The following TP53BP1 variants were observed in gnomAD, a reference collection of about 807,000 sequenced individuals.
The protein encoded by TP53BP1 is tumor protein p53 binding protein 1.
A neutral mutation model predicts 200.8 loss-of-function variants in TP53BP1; 61 were observed. The ratio of observed to expected loss-of-function variants is 0.30; its 90% CI spans 0.25 to 0.38. The LOEUF is 0.38. Ranked by LOEUF, TP53BP1 falls within the 10% of genes least tolerant of loss-of-function variation. The pLI is 1.00. For missense variants in TP53BP1, 2,144 were observed against 2,371.9 expected, an observed-to-expected ratio of 0.90 and a Z score of 2.00; for synonymous variants, 822 against 844.3, an observed-to-expected ratio of 0.97 and a Z score of 0.46.
chr15:43,457,091 G>A lies in TP53BP1; in HGVS notation c.1517C>T (p.Pro506Leu). 1 of 1,614,118 alleles carries A rather than the reference G, an allele frequency of 6.2e-7. No individual in the cohort carries two copies. The highest frequency in any genetic ancestry group is 8.5e-7 in the Non-Finnish European group (1 of 1,180,016). ...KTSEIEPKNS[P>L]EDLGLSLTGD... Reference sequence around the variant, plus strand: ...TGTCAAAGATAGCCCAAGATCCTCAGGGGAATTCTTTGGTTCAATCTCTGA... The same window carrying A: ...TGTCAAAGATAGCCCAAGATCCTCAAGGGAATTCTTTGGTTCAATCTCTGA... Residue 506 changes from proline (P) to leucine (L), a missense_variant, in exon 12 of 28, where the codon CCT (proline) becomes CTT (leucine). Coordinates refer to ENST00000382044, the MANE Select transcript of TP53BP1 (RefSeq NM_001141980.3).
chr15:43,492,413 A>C lies in TP53BP1; in HGVS notation c.63T>G (p.Asp21Glu). 1 of 1,614,018 alleles carries C rather than the reference A, an allele frequency of 6.2e-7. No homozygotes were observed. The highest frequency in any genetic ancestry group is 1.7e-5 in the Admixed American group (1 of 60,010). ...AATCTTCAATTATCAGGCAAGGAGT[A>C]TCTTGCTGAGAGAAATCTGAATCCA... ...SQLDSDFSQQ[D>E]TPCLIIEDSQ... is the part of the protein sequence containing the mutation. The change falls in exon 2 of 28, where the codon GAT becomes GAG. Residue 21 changes from aspartate to glutamate, a missense_variant. Asp to Glu is a conservative substitution (Grantham distance 45). Around this residue, in one of 4 missense-constraint regions of TP53BP1, gnomAD observed 1,700 missense variants for 1,710.3 expected, o/e 0.99. Coordinates refer to ENST00000382044, the MANE Select transcript of TP53BP1 (RefSeq NM_001141980.3).
intron 10 of TP53BP1, 29 bp from the exon 11 acceptor site, chr15:43,470,095 G>A: frequency 6.5e-7 from 1 of 1,550,186 alleles, no homozygotes; most frequent in Non-Finnish European, 8.9e-7. Flanking sequence ...AACAAATTGA[G>A]AAATATCACT....
At position 43,416,356 on chromosome 15, in the gene TP53BP1, C is replaced by A; in HGVS notation, c.4742G>T (p.Gly1581Val). The change falls in exon 22 of 28, where the codon GGC (glycine) becomes GTC (valine). Residue 1581 changes from glycine (G) to valine (V), a missense_variant. By Grantham distance (109) the Gly-to-Val change is moderately radical. This residue lies in a region of TP53BP1 where 61 missense variants were observed against 147.5 expected (regional missense o/e 0.41). Transcript: ENST00000382044. ...GELYYSIEKE[G>V]QRKWYKRMAV... ...CATTCGCTTATACCACTTTCTTTGGCCTTCTTTTTCAATGCTGTAGTACAG... is the reference window on the plus strand; with the variant it reads ...CATTCGCTTATACCACTTTCTTTGGACTTCTTTTTCAATGCTGTAGTACAG... 1 of 1,614,204 alleles carries A rather than the reference C, an allele frequency of 6.2e-7. No homozygotes were observed. Among genetic ancestry groups the A allele is most frequent in the Non-Finnish European group, 8.5e-7 (1 of 1,180,028 alleles).
intron 16 of TP53BP1, among the ~76,000 whole-genome samples, chr15:43,436,815 G>A (rs1295337832): frequency 4.6e-5 from 7 of 151,956 alleles, no homozygotes; most frequent in Non-Finnish European, 8.8e-5. Context: ...ATAAAGGCCT[G>A]TAACTCAAAA....
chr15:43,421,658 G>T, intron 19 of TP53BP1, 197 bp downstream of exon 19: 1 of 736,924 alleles, frequency 1.4e-6, no homozygotes, highest in Non-Finnish European at 2.2e-6. Flanking sequence ...TGCCAATGAA[G>T]TCTACCTGCC....
intron 10 of TP53BP1, among the ~76,000 whole-genome samples, chr15:43,470,464 T>G (rs2046697901): frequency 6.6e-6 from 1 of 152,236 alleles, no homozygotes; most frequent in African/African-American, 2.4e-5. Context: ...GACAGTGAAT[T>G]TGTCACCACT....
Position 43,456,234 on chromosome 15 carries a change from A to G in TP53BP1, c.2374T>C (p.Trp792Arg), listed in dbSNP as rs768084010. 33 of 1,614,046 alleles carry G rather than the reference A, an allele frequency of 2.0e-5. No homozygotes were observed. Among genetic ancestry groups the G allele is most frequent in the Non-Finnish European group, 5.1e-6 (6 of 1,180,038 alleles). ...GVEKCSDSQS[W>R]EDIAPEIEPC... is the part of the protein sequence containing the mutation. ...TCTATTTCTGGAGCAATATCCTCCC[A>G]TGACTGGGAATCTGAGCACTTCTCC... The change falls in exon 12 of 28, where the codon TGG becomes CGG. Residue 792 changes from tryptophan to arginine, a missense_variant. Transcript: ENST00000382044.
chr15:43,468,011 C>G (rs2046631842), intron 11 of TP53BP1, among the ~76,000 whole-genome samples: 1 of 152,126 alleles, frequency 6.6e-6, no homozygotes, highest in Non-Finnish European at 1.5e-5. Context: ...TCTTGAACTC[C>G]TGGTCTCAAG....
chr15:43,492,206 T>C, intron 2 of TP53BP1, 78 bp downstream of exon 2: 3 of 1,520,146 alleles, frequency 2.0e-6, no homozygotes, highest in Admixed American at 1.8e-5. Context: ...GTAATGATCT[T>C]CTAAATACTT....
intron 18 of TP53BP1, among the ~76,000 whole-genome samples, chr15:43,426,740 C>T (rs775347576): frequency 2.0e-5 from 3 of 151,806 alleles, no homozygotes; most frequent in African/African-American, 4.8e-5. Context: ...TTGCCGGGCG[C>T]GGTGGCTCAC....
Position 43,415,609 on chromosome 15 carries a change from C to T in TP53BP1, c.5074G>A (p.Ala1692Thr). The T allele has an allele frequency of 1.2e-6, 2 of 1,614,200 alleles. No homozygotes were observed. The highest frequency in any genetic ancestry group is 1.7e-6 in the Non-Finnish European group (2 of 1,180,036). Residue 1692 changes from alanine (A) to threonine (T), a missense_variant, in exon 23 of 28, where the codon GCC (alanine) becomes ACC (threonine). By Grantham distance (58) the Ala-to-Thr change is moderately conservative. This residue lies in a region of TP53BP1 where 334 missense variants were observed against 453.4 expected (regional missense o/e 0.74). Coordinates refer to ENST00000382044, the MANE Select transcript of TP53BP1 (RefSeq NM_001141980.3). ...GAGCACTTACCAGGTTTTACTGTGG[C>T]AGACTTGCGACCTCGCTTGGCAGGG... ...RSPAKRGRKS[A>T]TVKPGAVGAG...
intron 12 of TP53BP1, 52 bp downstream of exon 12, chr15:43,455,840 A>G (rs2046279859): frequency 6.3e-7 from 1 of 1,598,346 alleles, no homozygotes; most frequent in Non-Finnish European, 8.5e-7. Context: ...CCAACTTTCC[A>G]TTCCAGATTA....
intron 1 of TP53BP1, among the ~76,000 whole-genome samples, chr15:43,507,420 C>G (rs2079243208): frequency 1.3e-5 from 2 of 152,210 alleles, no homozygotes; most frequent in African/African-American, 4.8e-5. Context: ...CAGGCGTGAG[C>G]CACTGCGCCC....
chr15:43,407,998 G>A lies in TP53BP1; in HGVS notation c.5691C>T (p.Leu1897=). 1 of 1,614,030 alleles carries A rather than the reference G, an allele frequency of 6.2e-7. No homozygotes were observed. Among genetic ancestry groups the A allele is most frequent in the Non-Finnish European group, 8.5e-7 (1 of 1,179,988 alleles). Residue 1897 remains leucine (L), a synonymous_variant, in exon 27 of 28, where the codon CTC becomes CTT. Transcript: ENST00000382044. ...TCACAGAGGCTGCACCACCAGTCATGAGGATCTCAGACCAGAGCTCCAGGA... is the reference window on the plus strand; with the variant it reads ...TCACAGAGGCTGCACCACCAGTCATAAGGATCTCAGACCAGAGCTCCAGGA... ...QNFLELWSEI[L]MTGGAASVKQ...
chr15:43,447,685 C>A (rs2046075884), intron 12 of TP53BP1, among the ~76,000 whole-genome samples, 200 bp from the exon 13 acceptor site: 1 of 152,088 alleles, frequency 6.6e-6, no homozygotes, highest in African/African-American at 2.4e-5. Flanking sequence ...GCTCTCTTCA[C>A]AGCCAACAAC....
intron 16 of TP53BP1, among the ~76,000 whole-genome samples, chr15:43,433,938 T>C (rs966134611): frequency 3.3e-5 from 5 of 152,204 alleles, no homozygotes; most frequent in African/African-American, 1.2e-4. Context: ...AAGCAGGAAG[T>C]GCTCTTCAGG....
chr15:43,499,943 T>G (rs183255376), intron 1 of TP53BP1, among the ~76,000 whole-genome samples: 8 of 152,274 alleles, frequency 5.3e-5, no homozygotes, highest in Non-Finnish European at 1.2e-4. Flanking sequence ...GTGAGACAAA[T>G]CGAAATAATT....
At position 43,404,857 on chromosome 15, in the gene TP53BP1, G is replaced by A. The variant is rs770154126; in HGVS notation, c.*2526C>T. 3.0e-4 allele frequency: 143 copies of A among 481,356 alleles called. No homozygotes were observed. The highest frequency in any genetic ancestry group is 4.3e-4 in the Non-Finnish European group (116 of 272,328). 29.8% of individuals were successfully genotyped at this position (481,356 alleles called of 1,614,324 possible). ...CCCAATTCTGATATGAACTAGCTGT[G>A]CAGCCGTGGGCACCCCGCCTTGCTG... is the stretch of plus-strand genomic sequence containing the variant. On this transcript the variant is annotated 3_prime_UTR_variant, in exon 28 of 28. Transcript: ENST00000382044.
intron 15 of TP53BP1, among the ~76,000 whole-genome samples, chr15:43,440,577 C>T (rs2045905941): frequency 6.6e-6 from 1 of 151,146 alleles, no homozygotes; most frequent in South Asian, 2.1e-4. Context: ...ATTAACAGTA[C>T]CCGCCTAGCC....
Sources: gnomAD v4.1 joint callset for allele counts (sites outside exome capture counted in the v4.1 genomes callset) on GRCh38, gnomAD v4.1.1 for gene constraint, gnomAD v4.1.1 regional missense constraint, MANE v1.5 for transcripts, NCBI Gene and HGNC (gene_info 2026-07-23, HGNC 2026-07-21) for gene names.